The following ANO4 variants were observed in gnomAD, a reference collection of about 807,000 sequenced individuals.
ANO4 encodes the protein anoctamin 4.
ANO4 carries 69 observed loss-of-function variants against 141.9 expected under a neutral mutation model. That is an observed-to-expected ratio of 0.49 (90% CI 0.40 to 0.59). The LOEUF is 0.59. Ranked by LOEUF, ANO4 falls within the 20% of genes least tolerant of loss-of-function variation. The probability of loss-of-function intolerance (pLI) is 0.00; values close to 1 mark genes in which losing one functional copy is unlikely to be tolerated. For missense variants in ANO4, 894 were observed against 1,162.2 expected (o/e 0.77, Z 3.36); for synonymous variants, 350 against 394.3 (o/e 0.89, Z 1.33).
upstream of ANO4, among the ~76,000 whole-genome samples, chr12:100,790,595 A>T (rs1425657099): frequency 6.6e-6 from 1 of 152,104 alleles, no homozygotes; most frequent in Non-Finnish European, 1.5e-5. Context: ...GACTCAGCCT[A>T]ATTCTCCCTG....
chr12:100,835,766 G>A (rs1157125474), intron 1 of ANO4, among the ~76,000 whole-genome samples: 5 of 152,062 alleles, frequency 3.3e-5, no homozygotes, highest in Non-Finnish European at 5.9e-5. Flanking sequence ...ACAGATATCA[G>A]TGAGGCTGAT....
chr12:100,999,087 C>T (rs973273686), intron 8 of ANO4, among the ~76,000 whole-genome samples: 1 of 152,222 alleles, frequency 6.6e-6, no homozygotes, highest in Admixed American at 6.5e-5. Flanking sequence ...TTTAACATTG[C>T]ATGTTAGTTT....
At chr12:101,054,823 T>C (rs1234201262) in intron 14 of ANO4, among the ~76,000 whole-genome samples, 4 of 150,148 alleles carry the variant, frequency 2.7e-5, no homozygotes, top group East Asian at 1.9e-4. Flanking sequence ...AGTTTCCTCA[T>C]GCCTCTGCAG....
intron 9 of ANO4, among the ~76,000 whole-genome samples, chr12:101,020,521 C>G (rs2046483678): frequency 6.6e-6 from 1 of 152,240 alleles, no homozygotes; most frequent in South Asian, 2.1e-4. Flanking sequence ...GATGATGATA[C>G]AGAGATAGGC....
At chr12:100,898,713 A>G (rs1012003817) in intron 1 of ANO4, among the ~76,000 whole-genome samples, 97 of 152,218 alleles carry the variant, frequency 6.4e-4, no homozygotes, top group African/African-American at 2.2e-3. Flanking sequence ...AGTTATATAA[A>G]AGCTAAAAGT....
At chr12:101,089,491 T>C (rs2049660762) in intron 17 of ANO4, among the ~76,000 whole-genome samples, 1 of 152,142 alleles carries the variant, frequency 6.6e-6, no homozygotes, top group Admixed American at 6.5e-5. Context: ...ACTCGGTCTG[T>C]GTTAACTGTG....
intron 9 of ANO4, among the ~76,000 whole-genome samples, chr12:101,029,041 A>G (rs914481689): frequency 6.6e-6 from 1 of 152,218 alleles, no homozygotes. Flanking sequence ...ATTCTTAAAG[A>G]AAATAATTTT....
chr12:100,859,584 G>T (rs1017298580), intron 1 of ANO4, among the ~76,000 whole-genome samples: 1 of 152,132 alleles, frequency 6.6e-6, no homozygotes, highest in Non-Finnish European at 1.5e-5. Flanking sequence ...ATGGATCAAA[G>T]ATAATAGAAG....
intron 5 of ANO4, among the ~76,000 whole-genome samples, chr12:100,948,604 A>G (rs985464721): frequency 2.6e-5 from 4 of 152,176 alleles, no homozygotes; most frequent in Non-Finnish European, 5.9e-5. Context: ...ATGATTATTT[A>G]AAAAAGGGAG....
chr12:100,730,557 A>G (rs1396665152), intron 1 of ANO4, among the ~76,000 whole-genome samples: 2 of 152,180 alleles, frequency 1.3e-5, no homozygotes, highest in Non-Finnish European at 2.9e-5. Context: ...TTCCTTTTTT[A>G]AAACCAACGA....
intron 5 of ANO4, among the ~76,000 whole-genome samples, chr12:100,943,569 G>A (rs994640845): frequency 1.3e-5 from 2 of 152,158 alleles, no homozygotes; most frequent in Admixed American, 6.5e-5. Flanking sequence ...CACGGAAGCA[G>A]CATTTTTCTG....
intron 3 of ANO4, among the ~76,000 whole-genome samples, chr12:100,935,105 C>T (rs976092801): frequency 1.3e-5 from 2 of 152,156 alleles, no homozygotes; most frequent in Non-Finnish European, 2.9e-5. Context: ...CCTGATTGCC[C>T]TGGCCAGAAC....
chr12:100,731,311 A>C (rs7970618), intron 1 of ANO4, among the ~76,000 whole-genome samples: 102,296 of 151,996 alleles, frequency 0.67, 34,597 homozygotes, highest in East Asian at 0.82. Context: ...TATTAGACAA[A>C]ATGTATTTAT....
intron 9 of ANO4, among the ~76,000 whole-genome samples, chr12:101,036,710 G>A (rs1441820080): frequency 6.6e-6 from 1 of 152,126 alleles, no homozygotes; most frequent in African/African-American, 2.4e-5. Flanking sequence ...ACATGGGGAG[G>A]TGTTGATCAA....
intron 14 of ANO4, among the ~76,000 whole-genome samples, chr12:101,063,663 C>T (rs968708135): frequency 1.9e-4 from 28 of 149,580 alleles, no homozygotes; most frequent in African/African-American, 6.7e-4. Flanking sequence ...CCAGTGATGC[C>T]ACCTGGGCCT....
intron 1 of ANO4, among the ~76,000 whole-genome samples, chr12:100,872,214 A>G (rs1002656443): frequency 1.3e-5 from 2 of 152,204 alleles, no homozygotes; most frequent in African/African-American, 4.8e-5. Context: ...CAAGAAGACT[A>G]AGACTTTGTT....
At chr12:100,863,027 A>G (rs1204818389) in intron 1 of ANO4, among the ~76,000 whole-genome samples, 1 of 152,190 alleles carries the variant, frequency 6.6e-6, no homozygotes, top group Non-Finnish European at 1.5e-5. Context: ...CTGAAACCTT[A>G]AGGAAGTGAT....
intron 10 of ANO4, among the ~76,000 whole-genome samples, chr12:101,037,455 A>G (rs1243840461): frequency 6.6e-6 from 1 of 152,244 alleles, no homozygotes; most frequent in African/African-American, 2.4e-5. Flanking sequence ...TGCATGAGGC[A>G]CCAAATCCAC....
In ANO4 at chr12:100,891,187, C is replaced by A. The variant is rs906480360; in HGVS notation, c.-140-10459C>A. ...TTAATGCTTAATAATATTCCATTGT[C>A]TGAATGTATCACAGTTTATTTGTCA... On this transcript the variant is annotated intron_variant, in intron 1 of 27. Coordinates refer to ENST00000392977, the MANE Select transcript of ANO4 (RefSeq NM_001286615.2). 5.3e-5 allele frequency among the ~76,000 whole-genome samples: 8 copies of A among 152,290 alleles called. No individual in the cohort carries two copies. The South Asian group carries it at 8.3e-4, about 16-fold the overall frequency.
Sources: allele counts gnomAD v4.1 joint callset (sites outside exome capture counted in the v4.1 genomes callset), GRCh38; gene constraint gnomAD v4.1.1; transcripts MANE v1.5; gene names NCBI Gene and HGNC (gene_info 2026-07-23, HGNC 2026-07-21).